PRKN: variants seen among roughly 807,000 people sequenced by gnomAD.
The protein encoded by PRKN is parkin RBR E3 ubiquitin protein ligase, also known as E3 ubiquitin-protein ligase parkin.
A neutral mutation model predicts 59.5 loss-of-function variants in PRKN; 56 were observed. The observed-to-expected ratio is 0.94, with a 90% CI of 0.76 to 1.18. PRKN has a LOEUF of 1.18. PRKN is among the 50% of genes most tolerant of loss of function. PRKN has a pLI of 0.00. For synonymous variants in PRKN, 250 were observed against 222.1 expected (o/e 1.13, Z -1.12); for missense variants, 657 against 596.4 (o/e 1.10, Z -1.06).
At chr6:161,436,841 CTA>C (rs1338500482) in intron 9 of PRKN, among the ~76,000 whole-genome samples, 1 of 152,178 alleles carries the variant, frequency 6.6e-6, no homozygotes, top group South Asian at 2.1e-4. Flanking sequence ...TCCTCTCTCT[CTA>C]TGTGTTAGGT....
At chr6:162,692,618 G>A (rs1584059440) in intron 1 of PRKN, among the ~76,000 whole-genome samples, 2 of 151,820 alleles carry the variant, frequency 1.3e-5, no homozygotes, top group Admixed American at 6.6e-5. Context: ...GACCCTCCGG[G>A]TTGACAATAC....
In PRKN at chr6:161,419,983, A is replaced by G. The variant is rs1788016078; in HGVS notation, c.1084-33106T>C. ...GCTGGGCGTGGTGGCTCACGCCTGT[A>G]ATCCCAGCACTTTGGGAGGCTGAGG... On this transcript the variant is annotated intron_variant, in intron 9 of 11. Transcript: ENST00000366898. This position sits in a 1 kb window ranked among gnomAD's most constrained non-coding sequence, Gnocchi z 4.1. Among the ~76,000 whole-genome samples the G allele has an allele frequency of 6.6e-6, 1 of 151,946 alleles. No individual in the cohort carries two copies. The highest frequency in any genetic ancestry group is 2.4e-5 in the African/African-American group (1 of 41,392).
chr6:162,022,663 G>A (rs1783252866), intron 5 of PRKN, among the ~76,000 whole-genome samples: 1 of 152,080 alleles, frequency 6.6e-6, no homozygotes, highest in Non-Finnish European at 1.5e-5. Context: ...CTGTGCAGAA[G>A]CTCTTTAGCT....
intron 6 of PRKN, among the ~76,000 whole-genome samples, chr6:161,858,207 T>C (rs1793734752): frequency 6.6e-6 from 1 of 152,216 alleles, no homozygotes; most frequent in Admixed American, 6.5e-5. Flanking sequence ...GCTTCAATGA[T>C]TTGCTAAGAA....
chr6:162,110,045 G>C lies in PRKN; in HGVS notation c.535-55871C>G, dbSNP rs574397787. On this transcript the variant is annotated intron_variant, in intron 4 of 11. Transcript: ENST00000366898. ...TATGTTGAATTCTGTTCATAAGTTT[G>C]TTGTTTGCAACAGTTTAAGTTTTAG... Among the ~76,000 whole-genome samples, 12 of 152,236 alleles carry C rather than the reference G, an allele frequency of 7.9e-5. No individual in the cohort carries two copies. The South Asian group carries it at 2.5e-3, about 31-fold the overall frequency.
chr6:161,836,262 T>TA, intron 6 of PRKN, among the ~76,000 whole-genome samples: 1 of 152,310 alleles, frequency 6.6e-6, no homozygotes, highest in East Asian at 1.9e-4. Flanking sequence ...CTGAGAGCCC[T>TA]GCCATATGTG....
rs1243066313 is a variant in PRKN, at chr6:161,735,019, A to C, written c.871+50753T>G. On this transcript the variant is annotated intron_variant, in intron 7 of 11. Transcript: ENST00000366898. ...AGAATTTTAGGGATTATAAACAAGC[A>C]AAAAAAAAAAAAAAAGCACATGCCC... Among the ~76,000 whole-genome samples the C allele has an allele frequency of 2.5e-5, 3 of 122,176 alleles. No individual in the cohort carries two copies. The East Asian group carries it at 6.3e-4, about 26-fold the overall frequency. 80.2% of individuals were successfully genotyped at this position (122,176 alleles called of 152,430 possible).
At chr6:161,728,304 A>C (rs1450275595) in intron 7 of PRKN, among the ~76,000 whole-genome samples, 2 of 152,128 alleles carry the variant, frequency 1.3e-5, no homozygotes, top group Admixed American at 1.3e-4. Context: ...GTGATTCTCA[A>C]AATGAAACCA....
intron 1 of PRKN, among the ~76,000 whole-genome samples, chr6:162,546,107 T>G (rs1779107789): frequency 6.8e-6 from 1 of 148,080 alleles, no homozygotes; most frequent in African/African-American, 2.5e-5. Flanking sequence ...GCAGTTTTTT[T>G]TTTTTTTTTT....
intron 7 of PRKN, among the ~76,000 whole-genome samples, chr6:161,749,093 A>G (rs1467618079): frequency 1.3e-5 from 2 of 152,136 alleles, no homozygotes; most frequent in African/African-American, 4.8e-5. Context: ...TATAGTAAGG[A>G]TTCAGGGCCG....
intron 1 of PRKN, among the ~76,000 whole-genome samples, chr6:162,601,118 G>T (rs918525177): frequency 7.2e-5 from 11 of 152,062 alleles, no homozygotes; most frequent in African/African-American, 2.4e-4. Flanking sequence ...GGGCCTTTTT[G>T]CTGCATCATA....
intron 7 of PRKN, among the ~76,000 whole-genome samples, chr6:161,761,333 G>C (rs1224157306): frequency 6.6e-6 from 1 of 151,452 alleles, no homozygotes; most frequent in Non-Finnish European, 1.5e-5. Flanking sequence ...ATGGATGGAT[G>C]GATGATGGAT....
intron 2 of PRKN, among the ~76,000 whole-genome samples, chr6:162,363,131 C>CAAAAAAAAAAAAAA (rs34722234): frequency 1.0e-5 from 1 of 98,440 alleles, no homozygotes; most frequent in Non-Finnish European, 2.1e-5. Context: ...CCTTCTCAAA[C>CAAAAAAAAAAAAAA]AAAAAAAAAA....
chr6:161,368,058 G>C (rs1194962654), intron 10 of PRKN, among the ~76,000 whole-genome samples: 1 of 151,714 alleles, frequency 6.6e-6, no homozygotes, highest in Admixed American at 6.6e-5. Context: ...GCTACAAAGA[G>C]GGCTAAGGGA....
intron 7 of PRKN, among the ~76,000 whole-genome samples, chr6:161,657,928 A>G (rs887006308): frequency 1.2e-4 from 18 of 149,462 alleles, no homozygotes; most frequent in South Asian, 2.2e-4. Context: ...AGGCAGGAGA[A>G]TCGCTGGAAC....
chr6:161,875,032 TAATAA>T (rs1211292640), intron 6 of PRKN, among the ~76,000 whole-genome samples: 2 of 112,628 alleles, frequency 1.8e-5, no homozygotes, highest in Admixed American at 1.1e-4. Context: ...GTATATAATA[TAATAA>T]ATTATATATT....
intron 1 of PRKN, among the ~76,000 whole-genome samples, chr6:162,562,392 C>G (rs1453361530): frequency 6.6e-6 from 1 of 152,114 alleles, no homozygotes; most frequent in East Asian, 1.9e-4. Context: ...CAAGTGTGCT[C>G]TTGGGGTCCC....
intron 6 of PRKN, among the ~76,000 whole-genome samples, chr6:161,847,251 T>C (rs939194224): frequency 6.6e-6 from 1 of 151,772 alleles, no homozygotes; most frequent in Non-Finnish European, 1.5e-5. Flanking sequence ...GAGGTTGCAG[T>C]GAGCGGAGAT....
intron 7 of PRKN, among the ~76,000 whole-genome samples, chr6:161,782,508 A>C (rs1790248800): frequency 6.6e-6 from 1 of 152,158 alleles, no homozygotes; most frequent in Non-Finnish European, 1.5e-5. Flanking sequence ...AACGTAGATA[A>C]AGGGTGTATT....
Sources: allele counts gnomAD v4.1 joint callset (sites outside exome capture counted in the v4.1 genomes callset), GRCh38; gene constraint gnomAD v4.1.1; non-coding constraint Gnocchi (gnomAD v3.1); transcripts MANE v1.5; gene names NCBI Gene and HGNC (gene_info 2026-07-23, HGNC 2026-07-21).